The following MON2 variants were observed in gnomAD, a reference collection of about 807,000 sequenced individuals.
The protein encoded by MON2 is protein MON2 homolog.
MON2 carries 84 observed loss-of-function variants against 208.6 expected under a neutral mutation model. The ratio of observed to expected loss-of-function variants is 0.40; its 90% CI spans 0.34 to 0.48. MON2 has a LOEUF of 0.48. Ranked by LOEUF, MON2 falls within the 20% of genes least tolerant of loss-of-function variation. The probability of loss-of-function intolerance (pLI) is 0.59; values close to 1 mark genes in which losing one functional copy is unlikely to be tolerated. For missense variants in MON2, 1,611 were observed against 2,015.4 expected (o/e 0.80, Z 3.84); for synonymous variants, 660 against 694.0 (o/e 0.95, Z 0.77).
chr12:62,570,722 CTTTTTTTTTTT>C (rs1192680038), intron 29 of MON2, among the ~76,000 whole-genome samples: 3 of 70,814 alleles, frequency 4.2e-5, no homozygotes, highest in African/African-American at 1.8e-4. Context: ...TTTTCTTTTT[CTTTTTTTTTTT>C]TTTTTTTTTT....
In MON2 at chr12:62,552,916, A is replaced by G. The variant is rs200753362; in HGVS notation, c.2952A>G (p.Glu984=). The part of the protein sequence containing the change: ...NISDYFFQRG[E]TIEKELNKEE... Reference sequence around the variant, plus strand: ...CAGATTATTTTTTCCAAAGAGGGGAAACTATTGAAAAAGAACTAAATAAGG... The same window carrying G: ...CAGATTATTTTTTCCAAAGAGGGGAGACTATTGAAAAAGAACTAAATAAGG... Residue 984 remains glutamate, a synonymous_variant, in exon 24 of 35, where the codon GAA becomes GAG. Transcript: ENST00000393630. The G allele has an allele frequency of 6.2e-7, 1 of 1,613,920 alleles. No individual in the cohort carries two copies. Among genetic ancestry groups the G allele is most frequent in the Non-Finnish European group, 8.5e-7 (1 of 1,179,800 alleles).
intron 8 of MON2, 33 bp downstream of exon 8, chr12:62,508,513 A>T (rs765357229): frequency 6.3e-7 from 1 of 1,584,250 alleles, no homozygotes; most frequent in East Asian, 2.2e-5. Flanking sequence ...ATTTGTGTAT[A>T]TAGTTGCATG....
At chr12:62,580,709 G>T (rs766397085) in intron 32 of MON2, among the ~76,000 whole-genome samples, 5 of 152,138 alleles carry the variant, frequency 3.3e-5, no homozygotes, top group Non-Finnish European at 7.4e-5. Context: ...AAACTGTGAA[G>T]AATTAAATTG....
chr12:62,567,251 A>G (rs1471624130), intron 29 of MON2, among the ~76,000 whole-genome samples: 2 of 152,022 alleles, frequency 1.3e-5, no homozygotes, highest in African/African-American at 2.4e-5. Context: ...ATCTATCCCA[A>G]CCTTTCTTCA....
At chr12:62,536,684 G>T (rs2072988498) in intron 14 of MON2, among the ~76,000 whole-genome samples, 1 of 149,196 alleles carries the variant, frequency 6.7e-6, no homozygotes, top group Non-Finnish European at 1.5e-5. Context: ...TGAAGTTTTT[G>T]TGTTTTTTTG....
intron 24 of MON2, among the ~76,000 whole-genome samples, chr12:62,554,171 T>C (rs577685342): frequency 6.6e-6 from 1 of 152,360 alleles, no homozygotes; most frequent in East Asian, 1.9e-4. Flanking sequence ...AACTTCATTT[T>C]TTATCTTCTT....
At chr12:62,479,113 TTAA>T (rs1188550593) in intron 1 of MON2, among the ~76,000 whole-genome samples, 5 of 152,154 alleles carry the variant, frequency 3.3e-5, no homozygotes, top group Non-Finnish European at 7.4e-5. Context: ...AACATTTAGG[TTAA>T]TAATTTCTGT....
intron 23 of MON2, among the ~76,000 whole-genome samples, chr12:62,551,702 A>G (rs1158913767): frequency 6.6e-6 from 1 of 152,248 alleles, no homozygotes; most frequent in Non-Finnish European, 1.5e-5. Flanking sequence ...AGAGAAGTGC[A>G]ATAAAACAAG....
intron 11 of MON2, among the ~76,000 whole-genome samples, chr12:62,527,040 C>T (rs986931930): frequency 1.3e-5 from 2 of 152,092 alleles, no homozygotes; most frequent in Non-Finnish European, 2.9e-5. Flanking sequence ...GCAAGAGAAT[C>T]GCTTGAACCT....
intron 19 of MON2, among the ~76,000 whole-genome samples, chr12:62,539,300 C>T (rs1488957570): frequency 1.3e-4 from 20 of 150,892 alleles, no homozygotes; most frequent in African/African-American, 4.9e-4. Flanking sequence ...CGGAGTCTCG[C>T]CTTGTCGCCC....
chr12:62,534,819 AATATTGT>A lies in MON2; in HGVS notation c.1634-23_1634-17del, dbSNP rs1453546924. On this transcript the variant is annotated intron_variant, in intron 12 of 34. Transcript: ENST00000393630. Reference sequence around the variant, plus strand: ...ATTGTGCTATCTATAATTAAAATTAAATATTGTATGTTTTTTTCCTTTAAGTTAGTAG... The same window carrying A: ...ATTGTGCTATCTATAATTAAAATTAAATGTTTTTTTCCTTTAAGTTAGTAG... 6.5e-7 allele frequency: 1 copy of A among 1,537,806 alleles called. No homozygotes were observed. The highest frequency in any genetic ancestry group is 2.3e-5 in the East Asian group (1 of 44,086).
intron 23 of MON2, among the ~76,000 whole-genome samples, chr12:62,551,378 GGAAACAACCTGACGAT>G (rs113510588): frequency 0.38 from 57,475 of 151,542 alleles, 11,203 homozygotes; most frequent in African/African-American, 0.47. Context: ...AAAAAGATGA[GGAAACAACCTGACGAT>G]GAAACAGTCA....
intron 2 of MON2, among the ~76,000 whole-genome samples, chr12:62,492,130 T>G (rs922452313): frequency 6.6e-6 from 1 of 152,176 alleles, no homozygotes; most frequent in Non-Finnish European, 1.5e-5. Flanking sequence ...CTAAGGGACT[T>G]TGCAGCGCAG....
At chr12:62,528,179 C>T (rs2072437615) in intron 11 of MON2, among the ~76,000 whole-genome samples, 1 of 152,080 alleles carries the variant, frequency 6.6e-6, no homozygotes, top group Non-Finnish European at 1.5e-5. Flanking sequence ...AGTATGTTCA[C>T]ACTGGAGCTT....
intron 29 of MON2, among the ~76,000 whole-genome samples, chr12:62,570,258 A>G (rs1364902920): frequency 6.6e-6 from 1 of 152,046 alleles, no homozygotes; most frequent in East Asian, 1.9e-4. Context: ...CAAACGCTCT[A>G]CTCCTGTACC....
At position 62,549,779 on chromosome 12, in the gene MON2, T is replaced by C; in HGVS notation, c.2865T>C (p.Phe955=). The change falls in exon 23 of 35, where the codon TTT becomes TTC. Residue 955 remains phenylalanine (F), a synonymous_variant. Transcript: ENST00000393630. ...LQIVVDVAGS[F]GLHNQELNIS... is the part of the protein sequence containing the mutation. ...TAGTTGTAGATGTTGCAGGTAGCTTTGGCCTCCATAACCAAGAACTCAATA... is the reference window on the plus strand; with the variant it reads ...TAGTTGTAGATGTTGCAGGTAGCTTCGGCCTCCATAACCAAGAACTCAATA... 1 of 1,612,776 alleles carries C rather than the reference T, an allele frequency of 6.2e-7. No homozygotes were observed. Among genetic ancestry groups the C allele is most frequent in the Non-Finnish European group, 8.5e-7 (1 of 1,179,420 alleles).
chr12:62,575,231 T>G (rs2074732271), intron 30 of MON2, among the ~76,000 whole-genome samples: 3 of 152,254 alleles, frequency 2.0e-5, no homozygotes, highest in Non-Finnish European at 4.4e-5. Context: ...TTTTGTTTCA[T>G]AGTTCAAAAA....
rs1333713125 is a variant in MON2, at chr12:62,599,574, C to A, written c.*6825C>A. On this transcript the variant is annotated 3_prime_UTR_variant, in exon 35 of 35. Transcript: ENST00000393630. Reference sequence around the variant, plus strand: ...AGGCCAAGGCTTTGCCTATATTATTCCCTTTAATCCTCAAAGTAGCCTTGC... The same window carrying A: ...AGGCCAAGGCTTTGCCTATATTATTACCTTTAATCCTCAAAGTAGCCTTGC... The A allele has an allele frequency of 6.6e-6, 1 of 152,132 alleles. No individual in the cohort carries two copies. The highest frequency in any genetic ancestry group is 6.5e-5 in the Admixed American group (1 of 15,268). The allele number at this position is 152,132 out of a possible 1,614,324, so 9.4% of individuals were successfully genotyped here. A position where few individuals can be genotyped will look rare whatever the true frequency, so the allele number is the denominator to read the frequency against.
chr12:62,579,235 C>A (rs1046495013), intron 31 of MON2, among the ~76,000 whole-genome samples: 23 of 150,404 alleles, frequency 1.5e-4, no homozygotes, highest in African/African-American at 4.6e-4. Flanking sequence ...CAGAGCAAGA[C>A]CCTGTCTCTG....
Sources: gnomAD v4.1 joint callset for allele counts (sites outside exome capture counted in the v4.1 genomes callset) on GRCh38, gnomAD v4.1.1 for gene constraint, MANE v1.5 for transcripts, NCBI Gene and HGNC (gene_info 2026-07-23, HGNC 2026-07-21) for gene names.